The following NRXN1 variants were observed in gnomAD, a reference collection of about 807,000 sequenced individuals.
NRXN1 encodes neurexin-1.
A neutral mutation model predicts 150.9 loss-of-function variants in NRXN1; 39 were observed. The ratio of observed to expected loss-of-function variants is 0.26; its 90% CI spans 0.20 to 0.34. NRXN1 has a LOEUF of 0.34. Among genes scored for constraint, NRXN1 ranks in the 10% least tolerant of loss-of-function variants. NRXN1 has a pLI of 1.00. For missense variants in NRXN1, 1,815 were observed against 1,949.9 expected (o/e 0.93, Z 1.30); for synonymous variants, 924 against 757.0 (o/e 1.22, Z -3.62).
At chr2:50,447,904 T>C (rs1023392827) in intron 17 of NRXN1, among the ~76,000 whole-genome samples, 1 of 151,068 alleles carries the variant, frequency 6.6e-6, no homozygotes, top group Non-Finnish European at 1.5e-5. Flanking sequence ...AAGCCCCCCA[T>C]GGGTTATTAA....
Position 50,375,336 on chromosome 2 carries a change from T to C in NRXN1, c.3364+90106A>G, listed in dbSNP as rs545514352. 3.9e-4 allele frequency among the ~76,000 whole-genome samples: 59 copies of C among 151,296 alleles called. No homozygotes were observed. In the South Asian group the frequency reaches 6.5e-3, roughly 17 times the overall value. On this transcript the variant is annotated intron_variant, in intron 17 of 22. Coordinates refer to ENST00000401669, the MANE Select transcript of NRXN1 (RefSeq NM_001330078.2). ...AATACCAGCCAAATACTTCCCAACA[T>C]TATTTCATTTGATTTTAGAATTACA...
intron 22 of NRXN1, among the ~76,000 whole-genome samples, chr2:49,924,968 T>G (rs1668833630): frequency 6.6e-6 from 1 of 152,104 alleles, no homozygotes; most frequent in Non-Finnish European, 1.5e-5. Context: ...TAAGTGAAAT[T>G]TTTCTTAACT....
At chr2:50,526,920 C>A (rs924385721) in intron 12 of NRXN1, 15 of 152,088 alleles carry the variant, frequency 9.9e-5, no homozygotes, top group African/African-American at 3.6e-4. Context: ...GTCCTCAATA[C>A]CAGAGTCTCA....
intron 5 of NRXN1, among the ~76,000 whole-genome samples, chr2:50,816,232 T>C (rs1668912981): frequency 6.6e-6 from 1 of 152,104 alleles, no homozygotes; most frequent in African/African-American, 2.4e-5. Context: ...TTATGCCCCA[T>C]TGATGAACGC....
chr2:50,938,526 G>C (rs1688886674), intron 2 of NRXN1, among the ~76,000 whole-genome samples: 1 of 152,060 alleles, frequency 6.6e-6, no homozygotes. Flanking sequence ...CAGTTCCAAA[G>C]TTTCTTCCAC....
intron 17 of NRXN1, among the ~76,000 whole-genome samples, chr2:50,380,998 T>C (rs1006152008): frequency 2.0e-5 from 3 of 152,164 alleles, no homozygotes; most frequent in Admixed American, 1.3e-4. Context: ...CAATATTCTA[T>C]ATAGTGATGA....
intron 18 of NRXN1, among the ~76,000 whole-genome samples, chr2:50,178,598 A>G (rs1574341719): frequency 6.6e-6 from 1 of 152,166 alleles, no homozygotes; most frequent in East Asian, 1.9e-4. Flanking sequence ...TTACAGAGGA[A>G]TTTGGATTAC....
chr2:50,649,749 G>A (rs1685337121), intron 5 of NRXN1, among the ~76,000 whole-genome samples: 1 of 151,972 alleles, frequency 6.6e-6, no homozygotes, highest in African/African-American at 2.4e-5. Context: ...TACACTAGAA[G>A]GCAACTCCTT....
At chr2:50,657,425 C>T (rs1369743496) in intron 5 of NRXN1, among the ~76,000 whole-genome samples, 1 of 152,002 alleles carries the variant, frequency 6.6e-6, no homozygotes, top group African/African-American at 2.4e-5. Context: ...TAGTTAATCA[C>T]TCATGTTTAA....
At chr2:50,725,571 G>A (rs902795652) in intron 5 of NRXN1, among the ~76,000 whole-genome samples, 4 of 152,066 alleles carry the variant, frequency 2.6e-5, no homozygotes, top group Non-Finnish European at 5.9e-5. Context: ...TGTTAACTGG[G>A]TAATTTTTCC....
At chr2:50,702,406 A>ATG (rs1693871323) in intron 5 of NRXN1, among the ~76,000 whole-genome samples, 2 of 152,090 alleles carry the variant, frequency 1.3e-5, no homozygotes, top group Admixed American at 1.3e-4. Context: ...TATGTAAAAC[A>ATG]CAGAAGAGAA....
intron 21 of NRXN1, among the ~76,000 whole-genome samples, chr2:50,026,413 T>C (rs1688284875): frequency 6.6e-6 from 1 of 152,220 alleles, no homozygotes; most frequent in Admixed American, 6.5e-5. Flanking sequence ...AATGAATATC[T>C]CTTTCCTGCA....
intron 19 of NRXN1, among the ~76,000 whole-genome samples, chr2:50,090,253 G>T (rs1699381978): frequency 6.6e-6 from 1 of 152,032 alleles, no homozygotes; most frequent in African/African-American, 2.4e-5. Flanking sequence ...GTCAGTACTT[G>T]GGATATTTGA....
At chr2:50,941,445 G>A (rs1196432516) in intron 2 of NRXN1, among the ~76,000 whole-genome samples, 1 of 152,118 alleles carries the variant, frequency 6.6e-6, no homozygotes, top group African/African-American at 2.4e-5. Flanking sequence ...CTTGTTGAAT[G>A]GTCCTGACCA....
At chr2:49,963,698 T>A (rs1192473268) in intron 21 of NRXN1, among the ~76,000 whole-genome samples, 4 of 152,180 alleles carry the variant, frequency 2.6e-5, no homozygotes, top group Non-Finnish European at 5.9e-5. Flanking sequence ...CCCCATCCTT[T>A]AACATCTTTC....
chr2:50,245,637 T>C (rs1325607063), intron 17 of NRXN1, among the ~76,000 whole-genome samples: 1 of 151,900 alleles, frequency 6.6e-6, no homozygotes, highest in Non-Finnish European at 1.5e-5. Context: ...TGTAGTTGCC[T>C]AGCAATGTCC....
intron 5 of NRXN1, among the ~76,000 whole-genome samples, chr2:50,669,067 A>G (rs1417730728): frequency 6.6e-6 from 1 of 151,830 alleles, no homozygotes; most frequent in Non-Finnish European, 1.5e-5. Flanking sequence ...ATGGGAGGGG[A>G]GGAGTGGTGG....
chr2:50,617,140 AG>A (rs1442062304), intron 8 of NRXN1, among the ~76,000 whole-genome samples: 1 of 152,140 alleles, frequency 6.6e-6, no homozygotes, highest in Non-Finnish European at 1.5e-5. Flanking sequence ...ACAACTAAAA[AG>A]CCCTCCAAAG....
At chr2:49,942,102 A>G (rs893027283) in intron 22 of NRXN1, among the ~76,000 whole-genome samples, 4 of 152,182 alleles carry the variant, frequency 2.6e-5, no homozygotes, top group African/African-American at 9.7e-5. Context: ...ATCTGTCACG[A>G]CAACCAAGAG....
Sources: allele counts gnomAD v4.1 joint callset (sites outside exome capture counted in the v4.1 genomes callset), GRCh38; gene constraint gnomAD v4.1.1; transcripts MANE v1.5; gene names NCBI Gene and HGNC (gene_info 2026-07-23, HGNC 2026-07-21).